ADGRV1: variants seen among roughly 807,000 people sequenced by gnomAD.
ADGRV1 encodes adhesion G protein-coupled receptor V1.
Under a neutral mutation model 596.2 loss-of-function variants are expected in ADGRV1, and 359 were observed. The observed-to-expected ratio is 0.60, with a 90% confidence interval of 0.55 to 0.66. The LOEUF (loss-of-function observed/expected upper bound fraction) is 0.66. Among genes scored for constraint, ADGRV1 ranks in the 30% least tolerant of loss-of-function variants. ADGRV1 has a pLI of 0.00. For missense variants in ADGRV1, 7,274 were observed against 7,575.6 expected, an observed-to-expected ratio of 0.96 and a Z score of 1.48; for synonymous variants, 2,681 against 2,679.2, an observed-to-expected ratio of 1.00 and a Z score of -0.02.
chr5:90,607,981 A>G (rs191655747), intron 1 of ADGRV1, among the ~76,000 whole-genome samples: 1 of 152,266 alleles, frequency 6.6e-6, no homozygotes, highest in East Asian at 1.9e-4. Context: ...GTATTTTCTA[A>G]GATACTTTAC....
intron 87 of ADGRV1, among the ~76,000 whole-genome samples, chr5:91,110,805 GCA>G (rs1792297776): frequency 6.6e-6 from 1 of 152,184 alleles, no homozygotes; most frequent in African/African-American, 2.4e-5. Flanking sequence ...GCAGAGCTTT[GCA>G]CAGTGTTGGG....
Position 90,778,103 on chromosome 5 carries a change from G to A in ADGRV1, c.12666+60G>A, listed in dbSNP as rs573262696. On this transcript the variant is annotated intron_variant, in intron 62 of 89. Coordinates refer to ENST00000405460, the MANE Select transcript of ADGRV1 (RefSeq NM_032119.4). Reference sequence around the variant, plus strand: ...ACTCTCTGTGCTGGTGTGTGCACATGTGTGAGCATATGTGTATGTGTGGGT... The same window carrying A: ...ACTCTCTGTGCTGGTGTGTGCACATATGTGAGCATATGTGTATGTGTGGGT... 1.8e-3 allele frequency: 2,683 copies of A among 1,478,426 alleles called. 4 individuals carry two copies. The highest frequency in any genetic ancestry group is 2.2e-3 in the Non-Finnish European group (2,434 of 1,086,520). The allele number at this position is 1,478,426 out of a possible 1,614,324, so 91.6% of individuals were successfully genotyped here. A position where few individuals can be genotyped will look rare whatever the true frequency, so the allele number is the denominator to read the frequency against.
intron 21 of ADGRV1, among the ~76,000 whole-genome samples, chr5:90,670,078 C>T (rs1198452906): frequency 6.6e-6 from 1 of 152,166 alleles, no homozygotes; most frequent in Non-Finnish European, 1.5e-5. Flanking sequence ...ATGTCAATCT[C>T]ATCTTTTCTC....
intron 55 of ADGRV1, 80 bp downstream of exon 55, chr5:90,755,265 A>C (rs368155920): frequency 2.3e-6 from 2 of 866,100 alleles, no homozygotes; most frequent in African/African-American, 3.5e-5. Flanking sequence ...TTGTAAGTAA[A>C]AATCTTTTTT....
At chr5:90,975,008 AAAAC>A (rs774592071) in intron 84 of ADGRV1, among the ~76,000 whole-genome samples, 19,468 of 152,004 alleles carry the variant, frequency 0.13, 1,346 homozygotes, top group Non-Finnish European at 0.17. Context: ...TTACAAGAAA[AAAAC>A]AAACAACCCC....
intron 84 of ADGRV1, 101 bp from the exon 85 acceptor site, chr5:90,985,243 C>A: frequency 1.5e-6 from 1 of 647,988 alleles, no homozygotes; most frequent in Non-Finnish European, 2.4e-6. Context: ...TTAAGTAGAT[C>A]CTGGCCTTTT....
chr5:90,558,966 G>T, intron 1 of ADGRV1, 49 bp downstream of exon 1: 1 of 1,522,962 alleles, frequency 6.6e-7, no homozygotes. Context: ...GAGCCCCAGG[G>T]GAGCGCCTCA....
intron 16 of ADGRV1, 116 bp downstream of exon 16, chr5:90,646,207 C>CAT (rs1471669695): frequency 9.0e-5 from 46 of 509,248 alleles, no homozygotes; most frequent in Non-Finnish European, 5.8e-6. Context: ...CATTTATATA[C>CAT]ATATATATTT....
chr5:90,595,512 C>A (rs1284738595), intron 1 of ADGRV1, among the ~76,000 whole-genome samples: 2 of 105,224 alleles, frequency 1.9e-5, no homozygotes, highest in Non-Finnish European at 4.0e-5. Context: ...TAGGGGCGGC[C>A]GGGCAGAGGC....
chr5:90,698,127 C>G (rs544644307), intron 34 of ADGRV1, among the ~76,000 whole-genome samples: 5 of 152,198 alleles, frequency 3.3e-5, no homozygotes, highest in African/African-American at 1.2e-4. Flanking sequence ...TTTGGAATTG[C>G]ATGTTGTCAT....
intron 45 of ADGRV1, among the ~76,000 whole-genome samples, 167 bp downstream of exon 45, chr5:90,721,226 C>T (rs1022142194): frequency 1.3e-5 from 2 of 152,004 alleles, no homozygotes; most frequent in African/African-American, 2.4e-5. Context: ...GCTGGGCGCT[C>T]ATGTGTTGAG....
chr5:90,620,071 G>T (rs955615935), intron 4 of ADGRV1, among the ~76,000 whole-genome samples: 2 of 151,860 alleles, frequency 1.3e-5, no homozygotes, highest in African/African-American at 4.8e-5. Context: ...ACGTGTGCAT[G>T]TGTCTTTATA....
At chr5:90,583,293 T>G (rs1488520280) in intron 1 of ADGRV1, among the ~76,000 whole-genome samples, 1 of 152,212 alleles carries the variant, frequency 6.6e-6, no homozygotes, top group Non-Finnish European at 1.5e-5. Flanking sequence ...TTTTCATTTC[T>G]CAGTAATATT....
chr5:90,866,738 T>C (rs1013090488), intron 83 of ADGRV1, among the ~76,000 whole-genome samples: 7 of 152,224 alleles, frequency 4.6e-5, no homozygotes, highest in Middle Eastern at 3.4e-3. Context: ...TGCTTATATA[T>C]GTTTAAATTC....
chr5:90,617,087 G>A (rs1254919138), intron 2 of ADGRV1: 1 of 152,036 alleles, frequency 6.6e-6, no homozygotes, highest in Non-Finnish European at 1.5e-5. Context: ...TCTTTTTGAT[G>A]GCTGAATAAT....
intron 83 of ADGRV1, among the ~76,000 whole-genome samples, chr5:90,895,948 T>C (rs1444526777): frequency 6.6e-6 from 1 of 152,102 alleles, no homozygotes; most frequent in African/African-American, 2.4e-5. Context: ...AAATGTGTCA[T>C]TTATTAGAAT....
chr5:91,009,347 C>A (rs781288419), intron 85 of ADGRV1, among the ~76,000 whole-genome samples: 15 of 152,088 alleles, frequency 9.9e-5, no homozygotes, highest in Non-Finnish European at 1.6e-4. Flanking sequence ...TATTGCAATT[C>A]TGCCACAGGT....
At chr5:90,616,759 A>G (rs994312982) in intron 2 of ADGRV1, among the ~76,000 whole-genome samples, 2 of 152,194 alleles carry the variant, frequency 1.3e-5, no homozygotes, top group Non-Finnish European at 2.9e-5. Flanking sequence ...TGGAAGCATT[A>G]TAATTCCTCT....
At chr5:90,604,594 G>C (rs1351691011) in intron 1 of ADGRV1, among the ~76,000 whole-genome samples, 5 of 152,072 alleles carry the variant, frequency 3.3e-5, no homozygotes, top group Non-Finnish European at 7.4e-5. Context: ...AAGAGTTACA[G>C]GGGTCAAAAA....
Sources: allele counts gnomAD v4.1 joint callset (sites outside exome capture counted in the v4.1 genomes callset), GRCh38; gene constraint gnomAD v4.1.1; transcripts MANE v1.5; gene names NCBI Gene and HGNC (gene_info 2026-07-23, HGNC 2026-07-21).